Variants in VPS13D observed in about 807,000 individuals in gnomAD.
VPS13D encodes intermembrane lipid transfer protein VPS13D.
VPS13D carries 187 observed loss-of-function variants against 461.9 expected under a neutral mutation model. The observed-to-expected ratio is 0.40, with a 90% CI of 0.36 to 0.46. VPS13D has a LOEUF of 0.46. Ranked by LOEUF, VPS13D falls within the 20% of genes least tolerant of loss-of-function variation. VPS13D has a pLI of 0.60. For missense variants in VPS13D, 4,711 were observed against 5,364.9 expected (o/e 0.88, Z 3.81); for synonymous variants, 1,951 against 1,986.3 (o/e 0.98, Z 0.47).
At position 12,311,464 on chromosome 1, in the gene VPS13D, C is replaced by T; in HGVS notation, c.6661C>T (p.His2221Tyr). Residue 2221 changes from histidine to tyrosine, a missense_variant, in exon 28 of 70, where the codon CAT (histidine) becomes TAT (tyrosine). Coordinates refer to ENST00000620676, the MANE Select transcript of VPS13D (RefSeq NM_015378.4). ...VERNLDKEIS[H>Y]TVPDISIHGN... ...TTTTCTTTTTCATAGAGAAATAAGT[C>T]ATACTGTGCCAGACATATCTATCCA... 1.9e-6 allele frequency: 3 copies of T among 1,606,898 alleles called. No individual in the cohort carries two copies. Among genetic ancestry groups the T allele is most frequent in the Non-Finnish European group, 2.5e-6 (3 of 1,177,652 alleles).
chr1:12,375,566 A>G (rs1053821040), intron 55 of VPS13D, among the ~76,000 whole-genome samples: 1 of 152,166 alleles, frequency 6.6e-6, no homozygotes, highest in Non-Finnish European at 1.5e-5. Flanking sequence ...CCCTGAATGT[A>G]ACAGTGTAAC....
rs763531561 is a variant in VPS13D, at chr1:12,507,039, C to T, written c.12981C>T (p.Ala4327=). The part of the protein sequence containing the change: ...GKVYVQVTKK[A]VSTSSGVSIP... ...TGTATGTGCAGGTGACCAAGAAAGC[C>T]GTGAGCACGAGCAGTGGAGTGTCCA... Residue 4327 remains alanine, a synonymous_variant, in exon 69 of 70, where the codon GCC becomes GCT. Transcript: ENST00000620676. The surrounding 1 kb of genome is among the most constrained non-coding windows in gnomAD (Gnocchi z 5.3). 3.5e-5 allele frequency: 57 copies of T among 1,614,138 alleles called. No homozygotes were observed. Among genetic ancestry groups the T allele is most frequent in the East Asian group, 4.5e-5 (2 of 44,904 alleles).
intron 63 of VPS13D, among the ~76,000 whole-genome samples, chr1:12,404,873 G>A (rs1035948749): frequency 6.6e-6 from 1 of 152,162 alleles, no homozygotes; most frequent in African/African-American, 2.4e-5. Context: ...GCCCCCTGCA[G>A]CTTGGACCCA....
chr1:12,249,458 G>A, intron 6 of VPS13D, 119 bp downstream of exon 6: 1 of 718,244 alleles, frequency 1.4e-6, no homozygotes, highest in Non-Finnish European at 2.2e-6. Flanking sequence ...TGCCTTCTGT[G>A]ATAGGCATGG....
chr1:12,314,397 CT>C, intron 30 of VPS13D, 70 bp downstream of exon 30: 1 of 1,490,948 alleles, frequency 6.7e-7, no homozygotes, highest in Non-Finnish European at 9.2e-7. Flanking sequence ...TCTTTGTTGG[CT>C]TTAGAACATC....
chr1:12,411,804 G>A (rs943179173), intron 63 of VPS13D, among the ~76,000 whole-genome samples: 2 of 152,138 alleles, frequency 1.3e-5, no homozygotes, highest in South Asian at 2.1e-4. Flanking sequence ...CATGTCCAGC[G>A]GATTGGTGCT....
chr1:12,264,797 T>C (rs1473620306), intron 13 of VPS13D, among the ~76,000 whole-genome samples: 1 of 152,234 alleles, frequency 6.6e-6, no homozygotes, highest in Non-Finnish European at 1.5e-5. Context: ...CTTGCTATGC[T>C]AAATGATAGA....
chr1:12,440,735 A>G (rs1420073935), intron 65 of VPS13D, among the ~76,000 whole-genome samples: 1 of 152,002 alleles, frequency 6.6e-6, no homozygotes, highest in Non-Finnish European at 1.5e-5. Context: ...AATTAGCTGG[A>G]CGTGGTGGTG....
intron 61 of VPS13D, among the ~76,000 whole-genome samples, chr1:12,401,108 A>G (rs1468619227): frequency 6.6e-6 from 1 of 152,206 alleles, no homozygotes; most frequent in Non-Finnish European, 1.5e-5. Flanking sequence ...ATAGTTACAA[A>G]TGATAAACTT....
intron 43 of VPS13D, among the ~76,000 whole-genome samples, chr1:12,346,259 C>T (rs1361391262): frequency 1.3e-5 from 2 of 152,102 alleles, no homozygotes; most frequent in Non-Finnish European, 2.9e-5. Context: ...TCTTGTGCCC[C>T]AAGTTTCTTA....
chr1:12,357,199 C>T (rs542033787), intron 49 of VPS13D, among the ~76,000 whole-genome samples: 4 of 152,232 alleles, frequency 2.6e-5, no homozygotes, highest in South Asian at 2.1e-4. Context: ...AATGCCATAC[C>T]GTGTTATCGG....
intron 69 of VPS13D, among the ~76,000 whole-genome samples, chr1:12,508,146 C>T (rs1437554297): frequency 6.6e-6 from 1 of 152,208 alleles, no homozygotes; most frequent in Non-Finnish European, 1.5e-5. Context: ...AGTATTTCTC[C>T]AGATCCCTTC....
In VPS13D at chr1:12,294,743, C is replaced by T. The variant is rs534565836; in HGVS notation, c.6033+1039C>T. On this transcript the variant is annotated intron_variant, in intron 24 of 69. Transcript: ENST00000620676. ...AGGAGAATCGCTTGAACCTGGGAGGCGGAGGTTGGAGTGAGCCGAGGTGGC... is the reference window on the plus strand; with the variant it reads ...AGGAGAATCGCTTGAACCTGGGAGGTGGAGGTTGGAGTGAGCCGAGGTGGC... Among the ~76,000 whole-genome samples, 3 of 152,044 alleles carry T rather than the reference C, an allele frequency of 2.0e-5. No individual in the cohort carries two copies. In the South Asian group the frequency reaches 6.2e-4, roughly 32 times the overall value.
chr1:12,504,683 T>A (rs1646080993), intron 68 of VPS13D, among the ~76,000 whole-genome samples: 1 of 152,210 alleles, frequency 6.6e-6, no homozygotes. Flanking sequence ...TTCGCTGTGC[T>A]CTCTACTTTT....
In VPS13D at chr1:12,319,494, C is replaced by T; in HGVS notation, c.7415-3C>T. 1 of 1,613,930 alleles carries T rather than the reference C, an allele frequency of 6.2e-7. No individual in the cohort carries two copies. The highest frequency in any genetic ancestry group is 8.5e-7 in the Non-Finnish European group (1 of 1,179,868). The stretch of plus-strand genomic sequence containing the variant: ...GCTTGATTGACGACGTTGTCCTTTC[C>T]AGGTACGGAGTTTGTGGTCATTGAA... On this transcript the variant is annotated splice_region_variant and splice_polypyrimidine_tract_variant and intron_variant, in intron 31 of 69. Transcript: ENST00000620676.
At chr1:12,267,097 G>GACAT in intron 14 of VPS13D, 86 bp downstream of exon 14, 1 of 1,355,128 alleles carries the variant, frequency 7.4e-7, no homozygotes, top group East Asian at 2.5e-5. Flanking sequence ...GATTCATTCT[G>GACAT]ACATTTGATC....
intron 68 of VPS13D, among the ~76,000 whole-genome samples, chr1:12,500,748 C>A (rs1646023937): frequency 1.3e-5 from 2 of 151,424 alleles, no homozygotes; most frequent in Non-Finnish European, 2.9e-5. Flanking sequence ...GAGATGAGGT[C>A]TCGCCATGTT....
Position 12,497,485 on chromosome 1 carries a change from C to G in VPS13D, c.12663-15C>G, listed in dbSNP as rs1186293823. 6.2e-7 allele frequency: 1 copy of G among 1,606,152 alleles called. No homozygotes were observed. The highest frequency in any genetic ancestry group is 8.5e-7 in the Non-Finnish European group (1 of 1,176,072). On this transcript the variant is annotated splice_polypyrimidine_tract_variant and intron_variant, in intron 67 of 69. Coordinates refer to ENST00000620676, the MANE Select transcript of VPS13D (RefSeq NM_015378.4). ...ACACTTAACCTCTTGGCTTTATGTC[C>G]ATTTACCCATCTAGGACTCAAGCAC...
intron 55 of VPS13D, 89 bp from the exon 56 acceptor site, chr1:12,378,339 T>C: frequency 1.6e-6 from 2 of 1,260,660 alleles, no homozygotes; most frequent in Non-Finnish European, 2.1e-6. Context: ...TGAGAACTTA[T>C]TTAGCCCTAG....
Sources: gnomAD v4.1 joint callset for allele counts (sites outside exome capture counted in the v4.1 genomes callset) on GRCh38, gnomAD v4.1.1 for gene constraint, Gnocchi (gnomAD v3.1) non-coding constraint, MANE v1.5 for transcripts, NCBI Gene and HGNC (gene_info 2026-07-23, HGNC 2026-07-21) for gene names.